The following THSD7A variants were observed in gnomAD, a reference collection of about 807,000 sequenced individuals.
The protein encoded by THSD7A is thrombospondin type 1 domain containing 7A.
THSD7A carries 96 observed loss-of-function variants against 231.3 expected under a neutral mutation model. That is an observed-to-expected ratio of 0.41 (90% confidence interval 0.35 to 0.49). The LOEUF is 0.49. Among genes scored for constraint, THSD7A ranks in the 20% least tolerant of loss-of-function variants. The pLI is 0.05. For missense variants in THSD7A, 2,290 were observed against 2,070.2 expected, an observed-to-expected ratio of 1.11 and a Z score of -2.06; for synonymous variants, 940 against 743.3, an observed-to-expected ratio of 1.26 and a Z score of -4.30.
chr7:11,658,829 T>C (rs974210234), intron 1 of THSD7A, among the ~76,000 whole-genome samples: 2 of 151,702 alleles, frequency 1.3e-5, no homozygotes, highest in Non-Finnish European at 2.9e-5. Flanking sequence ...TTCTGGAATA[T>C]AAGTTTTGTT....
chr7:11,499,295 C>T lies in THSD7A; in HGVS notation c.1823-17313G>A, dbSNP rs548350571. Among the ~76,000 whole-genome samples, 10 of 152,332 alleles carry T rather than the reference C, an allele frequency of 6.6e-5. No individual in the cohort carries two copies. The East Asian group carries it at 1.9e-3, about 29-fold the overall frequency. On this transcript the variant is annotated intron_variant, in intron 6 of 27. Coordinates refer to ENST00000423059, the MANE Select transcript of THSD7A (RefSeq NM_015204.3). ...TACACTGGGCATGACCTGCTGACTG[C>T]ACTGAGTTGACATGCATCTCTCTGA...
chr7:11,472,885 C>A (rs142899335), intron 8 of THSD7A, among the ~76,000 whole-genome samples: 1 of 152,094 alleles, frequency 6.6e-6, no homozygotes, highest in Non-Finnish European at 1.5e-5. Flanking sequence ...CCTGTGCCTG[C>A]GTAGTGAATA....
chr7:11,563,563 T>C (rs763530263), intron 4 of THSD7A, among the ~76,000 whole-genome samples: 10 of 152,102 alleles, frequency 6.6e-5, no homozygotes, highest in Non-Finnish European at 1.0e-4. Flanking sequence ...GGTTTCACCA[T>C]GTTGGCCAGG....
chr7:11,755,237 G>A (rs1336315454), intron 1 of THSD7A, among the ~76,000 whole-genome samples: 1 of 152,024 alleles, frequency 6.6e-6, no homozygotes, highest in African/African-American at 2.4e-5. Flanking sequence ...CCAAAATTGA[G>A]AAACCCTCAT....
chr7:11,575,625 G>A (rs939917871), intron 4 of THSD7A, among the ~76,000 whole-genome samples: 52 of 152,162 alleles, frequency 3.4e-4, no homozygotes, highest in African/African-American at 1.1e-3. Flanking sequence ...GGAACTCTCT[G>A]CCTCTATCAA....
chr7:11,466,732 C>T (rs1474586490), intron 9 of THSD7A, among the ~76,000 whole-genome samples: 1 of 152,106 alleles, frequency 6.6e-6, no homozygotes, highest in Non-Finnish European at 1.5e-5. Flanking sequence ...TGCTCTGCCG[C>T]TTAGAGAGCC....
At chr7:11,481,695 T>G in intron 7 of THSD7A, 93 bp downstream of exon 7, 1 of 1,318,954 alleles carries the variant, frequency 7.6e-7, no homozygotes, top group Non-Finnish European at 1.0e-6. Flanking sequence ...GGTTGTTGAC[T>G]TTCATAGAAT....
intron 1 of THSD7A, among the ~76,000 whole-genome samples, chr7:11,683,927 A>G (rs939986456): frequency 1.4e-4 from 22 of 151,946 alleles, no homozygotes. Context: ...AACAACAACA[A>G]CAACAAAAAA....
intron 6 of THSD7A, among the ~76,000 whole-genome samples, chr7:11,528,367 C>G (rs944953392): frequency 6.6e-6 from 1 of 152,082 alleles, no homozygotes; most frequent in African/African-American, 2.4e-5. Context: ...TTAGCTTGTA[C>G]TGGGTCACAT....
At chr7:11,438,590 A>C (rs1784705869) in intron 13 of THSD7A, among the ~76,000 whole-genome samples, 1 of 152,058 alleles carries the variant, frequency 6.6e-6, no homozygotes, top group Non-Finnish European at 1.5e-5. Context: ...TATATTTAAA[A>C]ATTAATGTTA....
intron 6 of THSD7A, among the ~76,000 whole-genome samples, chr7:11,538,419 T>C (rs189307980): frequency 4.4e-4 from 67 of 152,224 alleles, no homozygotes; most frequent in Admixed American, 2.4e-3. Flanking sequence ...GAATAATACT[T>C]TTTTCCCCTT....
chr7:11,773,065 T>A (rs1426584267), intron 1 of THSD7A, among the ~76,000 whole-genome samples: 2 of 152,184 alleles, frequency 1.3e-5, no homozygotes, highest in African/African-American at 4.8e-5. Flanking sequence ...GAAACCTCTG[T>A]GTACCTAAGA....
At chr7:11,433,702 T>C (rs1399837902) in intron 13 of THSD7A, among the ~76,000 whole-genome samples, 3 of 151,972 alleles carry the variant, frequency 2.0e-5, no homozygotes, top group Non-Finnish European at 4.4e-5. Flanking sequence ...GAAAATAGAA[T>C]CACCTGGTGG....
chr7:11,407,257 T>G (rs1443570668), intron 20 of THSD7A, 49 bp downstream of exon 20: 1 of 1,505,246 alleles, frequency 6.6e-7, no homozygotes, highest in South Asian at 1.2e-5. Context: ...GATATTTTAT[T>G]TCATATTCCT....
chr7:11,558,047 G>T (rs752503331), intron 4 of THSD7A, among the ~76,000 whole-genome samples: 12 of 152,126 alleles, frequency 7.9e-5, no homozygotes, highest in Admixed American at 2.6e-4. Flanking sequence ...GCTAGAAAGA[G>T]CAGGAATTTG....
intron 1 of THSD7A, among the ~76,000 whole-genome samples, chr7:11,717,300 T>C: frequency 6.6e-6 from 1 of 151,698 alleles, no homozygotes; most frequent in Non-Finnish European, 1.5e-5. Flanking sequence ...TGCACTGGGA[T>C]TCTCCCTTAA....
chr7:11,758,629 C>T (rs1328538575), intron 1 of THSD7A, among the ~76,000 whole-genome samples: 3 of 151,968 alleles, frequency 2.0e-5, no homozygotes, highest in Non-Finnish European at 4.4e-5. Flanking sequence ...TAACTACAGA[C>T]AGAGGGCAAA....
rs184931427 is a variant in THSD7A, at chr7:11,736,971, T to A, written c.190+94786A>T. Among the ~76,000 whole-genome samples the A allele has an allele frequency of 2.6e-5, 4 of 152,076 alleles. No individual in the cohort carries two copies. The East Asian group carries it at 7.8e-4, about 30-fold the overall frequency. On this transcript the variant is annotated intron_variant, in intron 1 of 27. Coordinates refer to ENST00000423059, the MANE Select transcript of THSD7A (RefSeq NM_015204.3). ...GATTTTTTATAAAAGACTTCCTCCT[T>A]CTCTGGGCTCTCATTCTTCTCTCTT...
chr7:11,791,005 T>C (rs1344180406), intron 1 of THSD7A, among the ~76,000 whole-genome samples: 2 of 151,994 alleles, frequency 1.3e-5, no homozygotes, highest in Non-Finnish European at 2.9e-5. Context: ...CATGGTATTG[T>C]GAAGAATAAA....
Sources: gnomAD v4.1 joint callset for allele counts (sites outside exome capture counted in the v4.1 genomes callset) on GRCh38, gnomAD v4.1.1 for gene constraint, MANE v1.5 for transcripts, NCBI Gene and HGNC (gene_info 2026-07-23, HGNC 2026-07-21) for gene names.